The following PCDHA12 variants were observed in gnomAD, a reference collection of about 807,000 sequenced individuals.
PCDHA12 encodes the protein protocadherin alpha-12.
PCDHA12 carries 44 observed loss-of-function variants against 60.0 expected under a neutral mutation model. The ratio of observed to expected loss-of-function variants is 0.73; its 90% CI spans 0.58 to 0.94. The LOEUF is 0.94. Ranked by LOEUF, PCDHA12 falls within the 40% of genes least tolerant of loss-of-function variation. The pLI is 0.00. For synonymous variants in PCDHA12, 569 were observed against 553.0 expected (o/e 1.03, Z -0.40); for missense variants, 1,276 against 1,239.7 (o/e 1.03, Z -0.44).
chr5:140,920,282 T>C (rs1554199556), intron 1 of PCDHA12, among the ~76,000 whole-genome samples: 1 of 152,218 alleles, frequency 6.6e-6, no homozygotes, highest in African/African-American at 2.4e-5. Context: ...TAATCTTATA[T>C]TTTTTAGAGG....
At position 140,978,970 on chromosome 5, in the gene PCDHA12, T is replaced by A; in HGVS notation, c.2389T>A (p.Trp797Arg). The change falls in exon 2 of 4, where the codon TGG (tryptophan) becomes AGG (arginine). Residue 797 changes from tryptophan to arginine, a missense_variant. Coordinates refer to ENST00000398631, the MANE Select transcript of PCDHA12 (RefSeq NM_018903.4). ...PSEPRQPNPD[W>R]RYSASLRAGM... is the part of the protein sequence containing the mutation. Reference sequence around the variant, plus strand: ...GCAGCCACGACAGCCCAACCCTGACTGGCGTTACTCTGCCTCCCTGAGAGC... The same window carrying A: ...GCAGCCACGACAGCCCAACCCTGACAGGCGTTACTCTGCCTCCCTGAGAGC... 6.2e-7 allele frequency: 1 copy of A among 1,614,216 alleles called. No homozygotes were observed. Among genetic ancestry groups the A allele is most frequent in the Admixed American group, 1.7e-5 (1 of 60,030 alleles).
At chr5:140,972,001 A>G (rs2096512667) in intron 1 of PCDHA12, among the ~76,000 whole-genome samples, 1 of 152,202 alleles carries the variant, frequency 6.6e-6, no homozygotes, top group African/African-American at 2.4e-5. Context: ...CAATGTTTAT[A>G]TTCCCTTTTA....
intron 2 of PCDHA12, among the ~76,000 whole-genome samples, chr5:140,981,839 A>T (rs950232298): frequency 6.6e-6 from 1 of 152,116 alleles, no homozygotes; most frequent in Non-Finnish European, 1.5e-5. Flanking sequence ...AAGGTCTCCC[A>T]GTTTGTATCT....
At chr5:140,929,209 G>T in intron 1 of PCDHA12, 1 of 1,614,054 alleles carries the variant, frequency 6.2e-7, no homozygotes, top group Non-Finnish European at 8.5e-7. Context: ...GCTGTTGCGT[G>T]GGGAGTACAA....
intron 1 of PCDHA12, among the ~76,000 whole-genome samples, chr5:140,958,643 T>C (rs2095435479): frequency 1.3e-5 from 2 of 152,020 alleles, no homozygotes. Flanking sequence ...AGAAAACCAA[T>C]CACAGAAAGC....
intron 1 of PCDHA12, among the ~76,000 whole-genome samples, chr5:140,913,431 C>G (rs1554195920): frequency 6.6e-6 from 1 of 152,036 alleles, no homozygotes; most frequent in African/African-American, 2.4e-5. Flanking sequence ...AGTTGTAATG[C>G]CTCCTTTTTC....
At chr5:140,966,794 G>T in intron 1 of PCDHA12, 1 of 1,533,558 alleles carries the variant, frequency 6.5e-7, no homozygotes. Context: ...CAGACCTGCG[G>T]CGACAGAGCA....
intron 1 of PCDHA12, among the ~76,000 whole-genome samples, chr5:140,972,656 C>T (rs1428322208): frequency 6.9e-6 from 1 of 144,688 alleles, no homozygotes; most frequent in Non-Finnish European, 1.5e-5. Context: ...TAAAAAGAAA[C>T]CAAATTTTTT....
chr5:140,875,653 C>G lies in PCDHA12; in HGVS notation c.181C>G (p.Pro61Ala), dbSNP rs1554167829. ...DLGLELAELVPRLFRVASKRH... is the reference protein window; with the variant it reads ...DLGLELAELVARLFRVASKRH... The stretch of plus-strand genomic sequence containing the variant: ...GGGGCTGGAGCTGGCGGAGCTGGTG[C>G]CGCGCCTGTTCCGGGTGGCGTCCAA... Residue 61 changes from proline to alanine, a missense_variant, in exon 1 of 4, where the codon CCG becomes GCG. Physicochemically the swap from Pro to Ala is conservative, Grantham distance 27 (BLOSUM62 -1). Transcript: ENST00000398631. 1.2e-6 allele frequency: 2 copies of G among 1,613,682 alleles called. No homozygotes were observed. Among genetic ancestry groups the G allele is most frequent in the Non-Finnish European group, 8.5e-7 (1 of 1,179,984 alleles).
intron 1 of PCDHA12, among the ~76,000 whole-genome samples, chr5:140,950,799 G>C (rs1218789077): frequency 5.3e-5 from 8 of 151,796 alleles, no homozygotes; most frequent in African/African-American, 1.7e-4. Flanking sequence ...ATATTGTCTG[G>C]TTTTACCATA....
At chr5:140,903,329 G>A (rs2070195936) in intron 1 of PCDHA12, among the ~76,000 whole-genome samples, 1 of 152,160 alleles carries the variant, frequency 6.6e-6, no homozygotes, top group Non-Finnish European at 1.5e-5. Context: ...TTTTATTGAG[G>A]AAAGGATGCA....
chr5:140,918,918 C>T (rs1338973615), intron 1 of PCDHA12, among the ~76,000 whole-genome samples: 1 of 152,224 alleles, frequency 6.6e-6, no homozygotes, highest in Non-Finnish European at 1.5e-5. Context: ...ATTAACTACA[C>T]AGCATATGGC....
intron 1 of PCDHA12, among the ~76,000 whole-genome samples, chr5:140,911,460 G>A (rs1346001317): frequency 1.3e-5 from 2 of 152,140 alleles, no homozygotes; most frequent in African/African-American, 4.8e-5. Context: ...TTTCTCTACA[G>A]GAGATAAGAC....
At chr5:140,897,028 A>G (rs2065844542) in intron 1 of PCDHA12, among the ~76,000 whole-genome samples, 2 of 152,046 alleles carry the variant, frequency 1.3e-5, no homozygotes, top group Admixed American at 6.6e-5. Context: ...AATTATTTAG[A>G]CCATAGTCAC....
intron 3 of PCDHA12, among the ~76,000 whole-genome samples, chr5:140,999,049 A>C (rs962383659): frequency 1.3e-5 from 2 of 152,214 alleles, no homozygotes; most frequent in African/African-American, 4.8e-5. Flanking sequence ...TGTGCTTTCC[A>C]CCATGCCTAA....
rs760426957 is a variant in PCDHA12, at chr5:141,009,783, G to A, written c.2672G>A (p.Arg891Gln). 2.5e-6 allele frequency: 4 copies of A among 1,613,880 alleles called. No individual in the cohort carries two copies. Among genetic ancestry groups the A allele is most frequent in the Admixed American group, 3.3e-5 (2 of 59,976 alleles). Reference protein sequence around the residue: ...IPGSPAIISIRQEPTNSQIDK... With the variant: ...IPGSPAIISIQQEPTNSQIDK... ...GGATCTCCTGCAATCATCTCCATCC[G>A]GCAGGAGCCTACTAACAGCCAAATT... is the stretch of plus-strand genomic sequence containing the variant. Residue 891 changes from arginine (R) to glutamine (Q), a missense_variant, in exon 4 of 4, where the codon CGG becomes CAG. Transcript: ENST00000398631.
intron 1 of PCDHA12, among the ~76,000 whole-genome samples, chr5:140,909,076 G>A (rs556959550): frequency 3.3e-5 from 5 of 152,294 alleles, no homozygotes; most frequent in African/African-American, 7.2e-5. Context: ...TAAGCCCAGT[G>A]TGTTTGCTAC....
At chr5:140,889,677 A>C (rs2062337974) in intron 1 of PCDHA12, among the ~76,000 whole-genome samples, 1 of 152,018 alleles carries the variant, frequency 6.6e-6, no homozygotes, top group Non-Finnish European at 1.5e-5. Flanking sequence ...TTTTATTTTA[A>C]ACCTTTTAGT....
At chr5:140,969,045 C>A (rs782611179) in intron 1 of PCDHA12, 1 of 1,614,090 alleles carries the variant, frequency 6.2e-7, no homozygotes, top group Admixed American at 1.7e-5. Context: ...TACAAACAAG[C>A]CAACAACAAT....
Sources: gnomAD v4.1 joint callset for allele counts (sites outside exome capture counted in the v4.1 genomes callset) on GRCh38, gnomAD v4.1.1 for gene constraint, MANE v1.5 for transcripts, NCBI Gene and HGNC (gene_info 2026-07-23, HGNC 2026-07-21) for gene names.